Variants in ZNF804A observed in about 807,000 individuals in gnomAD.
The protein encoded by ZNF804A is zinc finger protein 804A.
ZNF804A carries 2 observed loss-of-function variants against 16.5 expected under a neutral mutation model. The ratio of observed to expected loss-of-function variants is 0.12; its 90% confidence interval spans 0.05 to 0.38. ZNF804A has a LOEUF of 0.38. Among genes scored for constraint, ZNF804A ranks in the 10% least tolerant of loss-of-function variants. The pLI, the probability that ZNF804A is intolerant of heterozygous loss-of-function variation, is 0.99. For synonymous variants in ZNF804A, 534 were observed against 489.6 expected (o/e 1.09, Z -1.20); for missense variants, 1,473 against 1,390.7 (o/e 1.06, Z -0.94).
chr2:184,672,898 C>G (rs145392796), intron 1 of ZNF804A, among the ~76,000 whole-genome samples: 1 of 152,050 alleles, frequency 6.6e-6, no homozygotes, highest in African/African-American at 2.4e-5. Flanking sequence ...TCCGCCACCA[C>G]GCCCAGCTAA....
At chr2:184,723,680 T>A (rs759181542) in intron 1 of ZNF804A, among the ~76,000 whole-genome samples, 4 of 151,738 alleles carry the variant, frequency 2.6e-5, no homozygotes, top group Non-Finnish European at 3.0e-5. Flanking sequence ...GCTTATTGCT[T>A]TCAGTCTATA....
At chr2:184,809,575 T>C (rs72903786) in intron 1 of ZNF804A, among the ~76,000 whole-genome samples, 7,636 of 151,950 alleles carry the variant, frequency 0.05, 251 homozygotes, top group Middle Eastern at 0.079. Context: ...CTAGTTCTTT[T>C]TGATATGTCA....
intron 1 of ZNF804A, among the ~76,000 whole-genome samples, chr2:184,725,756 T>C (rs1236061405): frequency 1.3e-5 from 2 of 151,480 alleles, no homozygotes; most frequent in Non-Finnish European, 3.0e-5. Context: ...CAAGAAGCTC[T>C]GCCTGATGCT....
At position 184,938,729 on chromosome 2, in the gene ZNF804A, A is replaced by G; in HGVS notation, c.3333A>G (p.Ala1111=). 1 of 1,606,090 alleles carries G rather than the reference A, an allele frequency of 6.2e-7. No homozygotes were observed. Among genetic ancestry groups the G allele is most frequent in the Non-Finnish European group, 8.5e-7 (1 of 1,175,830 alleles). Residue 1111 remains alanine (A), a synonymous_variant, in exon 4 of 4, where the codon GCA becomes GCG. Coordinates refer to ENST00000302277, the MANE Select transcript of ZNF804A (RefSeq NM_194250.2). The stretch of plus-strand genomic sequence containing the variant: ...TGCAGCAGCACGCTGCAGCTGCTGC[A>G]GCTGCAGCTGCAGCCGCAGCTGCAG... ...TVLQQHAAAA[A]AAAAAAAAGT... is the part of the protein sequence containing the mutation.
At chr2:184,907,149 C>T (rs1685289193) in intron 2 of ZNF804A, among the ~76,000 whole-genome samples, 1 of 152,128 alleles carries the variant, frequency 6.6e-6, no homozygotes, top group Non-Finnish European at 1.5e-5. Flanking sequence ...AGCCACTGTG[C>T]CTCACTTTTC....
At chr2:184,616,494 A>G (rs1691322274) in intron 1 of ZNF804A, among the ~76,000 whole-genome samples, 1 of 152,152 alleles carries the variant, frequency 6.6e-6, no homozygotes, top group Non-Finnish European at 1.5e-5. Flanking sequence ...ATATAATAAA[A>G]GCTATTATTT....
chr2:184,654,039 C>G (rs1559118414), intron 1 of ZNF804A, among the ~76,000 whole-genome samples: 1 of 152,174 alleles, frequency 6.6e-6, no homozygotes, highest in Non-Finnish European at 1.5e-5. Flanking sequence ...ACTGCCAGAC[C>G]ATCACCTGAT....
chr2:184,710,462 A>G (rs951703212), intron 1 of ZNF804A, among the ~76,000 whole-genome samples: 1 of 151,694 alleles, frequency 6.6e-6, no homozygotes, highest in African/African-American at 2.4e-5. Flanking sequence ...CAAATACCTT[A>G]TAATTTTAAT....
chr2:184,915,617 A>C (rs887376945), intron 2 of ZNF804A, among the ~76,000 whole-genome samples: 2 of 152,140 alleles, frequency 1.3e-5, no homozygotes, highest in African/African-American at 4.8e-5. Flanking sequence ...TCCAGCACTT[A>C]AGAAAATGAA....
intron 2 of ZNF804A, among the ~76,000 whole-genome samples, chr2:184,867,213 CTTATATTTACCAATGCA>C (rs1189264407): frequency 6.6e-6 from 1 of 151,820 alleles, no homozygotes; most frequent in East Asian, 1.9e-4. Context: ...TCTAATATGC[CTTATATTTACCAATGCA>C]ACTTCATTCA....
chr2:184,755,759 G>T (rs1693950318), intron 1 of ZNF804A, among the ~76,000 whole-genome samples: 2 of 151,948 alleles, frequency 1.3e-5, no homozygotes, highest in South Asian at 4.1e-4. Context: ...TAAAAGATGT[G>T]TGCTGCCTCT....
At position 184,708,440 on chromosome 2, in the gene ZNF804A, A is replaced by C. The variant is rs568601747; in HGVS notation, c.111+109370A>C. On this transcript the variant is annotated intron_variant, in intron 1 of 3. Coordinates refer to ENST00000302277, the MANE Select transcript of ZNF804A (RefSeq NM_194250.2). ...AACCAAAACAGCTTGGTACTGGCAG[A>C]AAAAGAGACACCTCAATCTATGGAA... Among the ~76,000 whole-genome samples, 51 of 152,232 alleles carry C rather than the reference A, an allele frequency of 3.4e-4. 1 individual carries two copies. The South Asian group carries it at 9.3e-3, about 28-fold the overall frequency.
intron 1 of ZNF804A, among the ~76,000 whole-genome samples, chr2:184,813,280 T>C (rs1360295403): frequency 6.6e-6 from 1 of 152,122 alleles, no homozygotes; most frequent in Non-Finnish European, 1.5e-5. Flanking sequence ...AAAGTCTTTA[T>C]AATCTATTTG....
intron 2 of ZNF804A, among the ~76,000 whole-genome samples, chr2:184,923,471 A>G (rs1274543187): frequency 2.0e-5 from 3 of 151,602 alleles, no homozygotes; most frequent in Non-Finnish European, 4.4e-5. Flanking sequence ...TTTTCCAGGT[A>G]TAAGATTATA....
In ZNF804A at chr2:184,908,554, C is replaced by T. The variant is rs61457864; in HGVS notation, c.256-25049C>T. Among the ~76,000 whole-genome samples the T allele has an allele frequency of 2.6e-3, 401 of 152,230 alleles. 1 individual carries two copies. Among genetic ancestry groups the T allele is most frequent in the African/African-American group, 9.4e-3 (390 of 41,558 alleles). On this transcript the variant is annotated intron_variant, in intron 2 of 3. Transcript: ENST00000302277. ...ACATTTAAGGGGAACATTATTCTGT[C>T]TACCACAGGCATCCATGGGTTAGAA...
intron 2 of ZNF804A, among the ~76,000 whole-genome samples, chr2:184,892,276 A>G (rs1684996489): frequency 6.6e-6 from 1 of 152,146 alleles, no homozygotes; most frequent in Non-Finnish European, 1.5e-5. Flanking sequence ...GTGTTCCTAA[A>G]ATACCAAACT....
chr2:184,720,069 A>G (rs928836828), intron 1 of ZNF804A, among the ~76,000 whole-genome samples: 1 of 152,124 alleles, frequency 6.6e-6, no homozygotes, highest in Non-Finnish European at 1.5e-5. Flanking sequence ...CATGGCAGAA[A>G]CTGAAATGCA....
intron 1 of ZNF804A, among the ~76,000 whole-genome samples, chr2:184,796,638 G>A (rs761900947): frequency 4.6e-5 from 7 of 151,914 alleles, no homozygotes; most frequent in Non-Finnish European, 8.8e-5. Context: ...TTTCTGCTCT[G>A]ATCTTGGTTA....
intron 1 of ZNF804A, among the ~76,000 whole-genome samples, chr2:184,823,882 T>G (rs894187163): frequency 6.6e-6 from 1 of 152,162 alleles, no homozygotes; most frequent in East Asian, 1.9e-4. Context: ...AAGAAAAAAT[T>G]CATATAAATT....
Sources: gnomAD v4.1 joint callset for allele counts (sites outside exome capture counted in the v4.1 genomes callset) on GRCh38, gnomAD v4.1.1 for gene constraint, MANE v1.5 for transcripts, NCBI Gene and HGNC (gene_info 2026-07-23, HGNC 2026-07-21) for gene names.